POLQ: variants seen among roughly 807,000 people sequenced by gnomAD.
The protein encoded by POLQ is epididymis secretory sperm binding protein.
In POLQ, 233 loss-of-function variants were observed where a neutral mutation model predicts 259.2. That is an observed-to-expected ratio of 0.90 (90% CI 0.81 to 1.00). The LOEUF (loss-of-function observed/expected upper bound fraction) is 1.00. POLQ is among the 50% of genes least tolerant of loss of function. The pLI is 0.00. For missense variants in POLQ, 2,871 were observed against 3,051.6 expected, an observed-to-expected ratio of 0.94 and a Z score of 1.39; for synonymous variants, 1,025 against 1,048.8, an observed-to-expected ratio of 0.98 and a Z score of 0.44.
At chr3:121,541,272 A>C in intron 3 of POLQ, 77 bp downstream of exon 3, 1 of 1,270,816 alleles carries the variant, frequency 7.9e-7, no homozygotes, top group Non-Finnish European at 1.1e-6. Flanking sequence ...TGCTTTTATA[A>C]TTCTATTTCA....
intron 27 of POLQ, among the ~76,000 whole-genome samples, chr3:121,437,510 C>A (rs1234346357): frequency 6.6e-6 from 1 of 152,090 alleles, no homozygotes; most frequent in Non-Finnish European, 1.5e-5. Flanking sequence ...TACTTTATAC[C>A]CACCAGAATA....
chr3:121,493,814 T>G, intron 14 of POLQ, 93 bp from the exon 15 acceptor site: 1 of 1,230,574 alleles, frequency 8.1e-7, no homozygotes, highest in Non-Finnish European at 1.1e-6. Flanking sequence ...TTTTGTTTTT[T>G]CCCTGCAAAA....
intron 24 of POLQ, among the ~76,000 whole-genome samples, chr3:121,464,075 G>A (rs1428363554): frequency 1.3e-5 from 2 of 152,078 alleles, no homozygotes; most frequent in African/African-American, 4.8e-5. Flanking sequence ...CATTTGCCAA[G>A]TATTCAGTAA....
At chr3:121,524,319 G>C (rs1576426250) in intron 7 of POLQ, among the ~76,000 whole-genome samples, 1 of 152,104 alleles carries the variant, frequency 6.6e-6, no homozygotes, top group African/African-American at 2.4e-5. Context: ...TTAGAGCTAG[G>C]CTTGAGATTT....
At chr3:121,519,584 G>A (rs1321252161) in intron 9 of POLQ, among the ~76,000 whole-genome samples, 1 of 149,032 alleles carries the variant, frequency 6.7e-6, no homozygotes, top group East Asian at 2.0e-4. Flanking sequence ...GCTGAGGCAG[G>A]AGAATGGCAT....
At position 121,458,272 on chromosome 3, in the gene POLQ, T is replaced by G. The variant is rs1378947328; in HGVS notation, c.7152+1778A>C. 9.9e-5 allele frequency among the ~76,000 whole-genome samples: 15 copies of G among 152,152 alleles called. No individual in the cohort carries two copies. In the East Asian group the frequency reaches 2.9e-3, roughly 29 times the overall value. ...ATGGGGGAGGGATAGCATTAGGAGA[T>G]ATACCTAATGCTAAATGACGAGTTA... On this transcript the variant is annotated intron_variant, in intron 25 of 29. Coordinates refer to ENST00000264233, the MANE Select transcript of POLQ (RefSeq NM_199420.4).
rs761581604 is a variant in POLQ at position 121,467,513 on chromosome 3, C to A, written c.6967+6G>T. 6.2e-7 allele frequency: 1 copy of A among 1,613,272 alleles called. No individual in the cohort carries two copies. Among genetic ancestry groups the A allele is most frequent in the South Asian group, 1.1e-5 (1 of 90,890 alleles). On this transcript the variant is annotated splice_donor_region_variant and intron_variant, in intron 24 of 29. Transcript: ENST00000264233. Reference sequence around the variant, plus strand: ...TGAGAAGCTTCAAAGCTATCAGCCACCTTACCTGGGAAAGGCACAAAGGCA... The same window carrying A: ...TGAGAAGCTTCAAAGCTATCAGCCAACTTACCTGGGAAAGGCACAAAGGCA...
At chr3:121,451,249 C>T (rs147290437) in intron 25 of POLQ, among the ~76,000 whole-genome samples, 2,105 of 152,260 alleles carry the variant, frequency 0.014, 46 homozygotes, top group African/African-American at 0.047. Flanking sequence ...TCCTTTAGCT[C>T]GGAGAAGTTT....
chr3:121,477,240 T>C (rs1174600398), intron 19 of POLQ, among the ~76,000 whole-genome samples: 4 of 152,210 alleles, frequency 2.6e-5, no homozygotes, highest in Non-Finnish European at 5.9e-5. Flanking sequence ...AGCTTCAATA[T>C]ATCTTTTCCG....
chr3:121,512,151 G>T, intron 9 of POLQ, 122 bp from the exon 10 acceptor site: 1 of 777,586 alleles, frequency 1.3e-6, no homozygotes, highest in Non-Finnish European at 2.0e-6. Flanking sequence ...GGTTGTTATG[G>T]TAATAAAATT....
chr3:121,485,071 A>C lies in POLQ; in HGVS notation c.5743T>G (p.Phe1915Val). The change falls in exon 17 of 30, where the codon TTT becomes GTT. Residue 1915 changes from phenylalanine (F) to valine (V), a missense_variant. By Grantham distance (50) the Phe-to-Val change is conservative. Around this residue, in one of 3 missense-constraint regions of POLQ, gnomAD observed 2,080 missense variants for 2,126.0 expected, o/e 0.98. Transcript: ENST00000264233. ...VCWGGRDAYY[F>V]SLQKEQKHSE... is the part of the protein sequence containing the mutation. ...TGCTTTTGTTCCTTCTGCAGTGAAA[A>C]ATAATAGGCATCCCTTCCACCCCAG... 1 of 1,612,874 alleles carries C rather than the reference A, an allele frequency of 6.2e-7. No homozygotes were observed. Among genetic ancestry groups the C allele is most frequent in the South Asian group, 1.1e-5 (1 of 90,806 alleles).
intron 16 of POLQ, among the ~76,000 whole-genome samples, chr3:121,487,045 A>G (rs2048017790): frequency 6.6e-6 from 1 of 152,206 alleles, no homozygotes; most frequent in African/African-American, 2.4e-5. Flanking sequence ...CATATTCAAA[A>G]TATGTATTAT....
rs1328347873 is a variant in POLQ at position 121,493,530 on chromosome 3, C to T, written c.2470G>A (p.Ala824Thr). The T allele has an allele frequency of 6.2e-7, 1 of 1,613,828 alleles. No individual in the cohort carries two copies. Among genetic ancestry groups the T allele is most frequent in the Admixed American group, 1.7e-5 (1 of 60,010 alleles). ...GFHTVADLARANIVEVEVILK... is the reference protein window; with the variant it reads ...GFHTVADLARTNIVEVEVILK... Reference sequence around the variant, plus strand: ...ATCACCTCCACCTCCACAATATTTGCTCTAGCAAGGTCTGCCACAGTATGA... The same window carrying T: ...ATCACCTCCACCTCCACAATATTTGTTCTAGCAAGGTCTGCCACAGTATGA... Residue 824 changes from alanine to threonine, a missense_variant, in exon 15 of 30, where the codon GCA becomes ACA. Transcript: ENST00000264233.
Position 121,490,098 on chromosome 3 carries a change from T to C in POLQ, c.2833A>G (p.Ser945Gly). ...GGTGAATGCTTAATATAAGAATCACTAAATATTGTGTTACTTTTGTTCTTT... is the reference window on the plus strand; with the variant it reads ...GGTGAATGCTTAATATAAGAATCACCAAATATTGTGTTACTTTTGTTCTTT... Reference protein sequence around the residue: ...TSKNKSNTIFSDSYIKHSPNI... With the variant: ...TSKNKSNTIFGDSYIKHSPNI... Residue 945 changes from serine to glycine, a missense_variant, in exon 16 of 30, where the codon AGT (serine) becomes GGT (glycine). Coordinates refer to ENST00000264233, the MANE Select transcript of POLQ (RefSeq NM_199420.4). 6.3e-7 allele frequency: 1 copy of C among 1,596,022 alleles called. No homozygotes were observed. Among genetic ancestry groups the C allele is most frequent in the Non-Finnish European group, 8.6e-7 (1 of 1,167,920 alleles).
intron 26 of POLQ, among the ~76,000 whole-genome samples, chr3:121,445,165 A>G (rs1056758447): frequency 6.6e-6 from 1 of 152,228 alleles, no homozygotes; most frequent in African/African-American, 2.4e-5. Flanking sequence ...ATTTTCCAGA[A>G]CAGTTTCAGT....
intron 5 of POLQ, among the ~76,000 whole-genome samples, chr3:121,535,034 G>C (rs545381835): frequency 2.0e-4 from 30 of 152,240 alleles, no homozygotes; most frequent in Middle Eastern, 3.4e-3. Flanking sequence ...TGAGGTAATT[G>C]TTCAATATAT....
At chr3:121,490,478 C>G in intron 15 of POLQ, 70 bp from the exon 16 acceptor site, 1 of 1,250,268 alleles carries the variant, frequency 8.0e-7, no homozygotes, top group Non-Finnish European at 1.1e-6. Flanking sequence ...ATTAAACATG[C>G]AATCTGAGCT....
intron 2 of POLQ, among the ~76,000 whole-genome samples, chr3:121,544,205 T>C (rs1200682886): frequency 6.6e-6 from 1 of 151,714 alleles, no homozygotes; most frequent in Non-Finnish European, 1.5e-5. Context: ...TACAAAAAAG[T>C]AGCTGGGCCT....
At chr3:121,498,748 G>A in intron 12 of POLQ, 78 bp from the exon 13 acceptor site, 3 of 1,004,542 alleles carry the variant, frequency 3.0e-6, no homozygotes, top group Non-Finnish European at 4.4e-6. Flanking sequence ...TCATATTAAA[G>A]ACAAAAGCCA....
Sources: gnomAD v4.1 joint callset for allele counts (sites outside exome capture counted in the v4.1 genomes callset) on GRCh38, gnomAD v4.1.1 for gene constraint, gnomAD v4.1.1 regional missense constraint, MANE v1.5 for transcripts, NCBI Gene and HGNC (gene_info 2026-07-23, HGNC 2026-07-21) for gene names.